The following XPO6 variants were observed in gnomAD, a reference collection of about 807,000 sequenced individuals.
XPO6 encodes exportin-6.
Under a neutral mutation model 130.0 loss-of-function variants are expected in XPO6, and 3 were observed. The observed-to-expected ratio is 0.02, with a 90% CI of 0.01 to 0.06. The LOEUF is 0.06. Ranked by LOEUF, XPO6 falls within the 10% of genes least tolerant of loss-of-function variation. XPO6 has a pLI of 1.00. For missense variants in XPO6, 970 were observed against 1,393.0 expected (o/e 0.70, Z 4.83); for synonymous variants, 524 against 548.9 (o/e 0.95, Z 0.63).
chr16:28,126,038 G>T lies in XPO6; in HGVS notation c.1607-190C>A, dbSNP rs551098588. On this transcript the variant is annotated intron_variant, in intron 12 of 23. Transcript: ENST00000304658. ...GCCCGGTATCCACCTAACACTACAC[G>T]TTTGTGCTCCAGAGTCCAGGGACAG... Among the ~76,000 whole-genome samples, 54 of 152,318 alleles carry T rather than the reference G, an allele frequency of 3.5e-4. 1 individual carries two copies. In the South Asian group the frequency reaches 0.011, roughly 30 times the overall value.
At chr16:28,196,144 G>GT in intron 1 of XPO6, among the ~76,000 whole-genome samples, 1 of 152,162 alleles carries the variant, frequency 6.6e-6, no homozygotes, top group East Asian at 1.9e-4. Context: ...TCCACTGGCA[G>GT]TAACTATTGG....
intron 14 of XPO6, among the ~76,000 whole-genome samples, chr16:28,118,879 T>G (rs966610124): frequency 6.6e-6 from 1 of 152,160 alleles, no homozygotes; most frequent in Admixed American, 6.5e-5. Flanking sequence ...GACTTGAGCT[T>G]TTTTCTCCAA....
chr16:28,145,756 C>T (rs1043426497), intron 9 of XPO6, among the ~76,000 whole-genome samples: 2 of 152,146 alleles, frequency 1.3e-5, no homozygotes, highest in African/African-American at 2.4e-5. Context: ...CCTTCTACCC[C>T]CACTGGGTTA....
intron 1 of XPO6, among the ~76,000 whole-genome samples, chr16:28,187,566 T>A (rs990522154): frequency 2.6e-5 from 4 of 151,554 alleles, no homozygotes; most frequent in African/African-American, 4.9e-5. Context: ...AAATAAAATG[T>A]AAAATACATA....
intron 1 of XPO6, among the ~76,000 whole-genome samples, chr16:28,206,951 T>C (rs8049191): frequency 0.017 from 2,567 of 152,160 alleles, 71 homozygotes; most frequent in African/African-American, 0.055. Context: ...CGGTAACTGA[T>C]ATTAAAAAAA....
intron 1 of XPO6, among the ~76,000 whole-genome samples, chr16:28,189,001 G>A (rs1009288113): frequency 7.9e-5 from 12 of 152,032 alleles, no homozygotes; most frequent in Middle Eastern, 3.4e-3. Flanking sequence ...TTGCTCTGTC[G>A]CCCAGGCTGG....
At chr16:28,133,796 A>G (rs372404243) in intron 11 of XPO6, 45 bp downstream of exon 11, 1 of 1,590,384 alleles carries the variant, frequency 6.3e-7, no homozygotes, top group African/African-American at 1.3e-5. Context: ...TGCTCTGTGT[A>G]CAGAGAAATC....
At chr16:28,186,499 T>C (rs937981161) in intron 1 of XPO6, among the ~76,000 whole-genome samples, 4 of 150,778 alleles carry the variant, frequency 2.7e-5, no homozygotes, top group African/African-American at 4.9e-5. Flanking sequence ...CAGCTTCAAA[T>C]AGCTGAGACT....
chr16:28,145,303 A>G (rs1369370047), intron 9 of XPO6, among the ~76,000 whole-genome samples: 5 of 152,178 alleles, frequency 3.3e-5, no homozygotes, highest in African/African-American at 1.2e-4. Context: ...TACTTTCCCC[A>G]TATATGGATG....
In XPO6 at chr16:28,132,418, A is replaced by G; in HGVS notation, c.1537-15T>C. 12 of 1,560,486 alleles carry G rather than the reference A, an allele frequency of 7.7e-6. No individual in the cohort carries two copies. Among genetic ancestry groups the G allele is most frequent in the Non-Finnish European group, 1.0e-5 (12 of 1,148,300 alleles). ...AGAACAGGGAACTGAAAACAAAGAA[A>G]CAAAAACAACAAAAATTTTAAGCCA... On this transcript the variant is annotated splice_polypyrimidine_tract_variant and intron_variant, in intron 11 of 23. Transcript: ENST00000304658. The surrounding 1 kb of genome is among the most constrained non-coding windows in gnomAD (Gnocchi z 4.0).
At chr16:28,177,683 G>A (rs918867610) in intron 2 of XPO6, among the ~76,000 whole-genome samples, 2 of 152,096 alleles carry the variant, frequency 1.3e-5, no homozygotes, top group African/African-American at 4.8e-5. Flanking sequence ...AACTTACTTC[G>A]TCTGAATATG....
chr16:28,181,670 C>T (rs2043618597), intron 1 of XPO6, among the ~76,000 whole-genome samples: 1 of 152,140 alleles, frequency 6.6e-6, no homozygotes, highest in Admixed American at 6.6e-5. Context: ...GAGTCATTCA[C>T]TGCAACTGGC....
At position 28,121,695 on chromosome 16, in the gene XPO6, C is replaced by A. The variant is rs1300858886; in HGVS notation, c.1834G>T (p.Val612Leu). 6.2e-7 allele frequency: 1 copy of A among 1,613,748 alleles called. No homozygotes were observed. The highest frequency in any genetic ancestry group is 8.5e-7 in the Non-Finnish European group (1 of 1,179,772). Residue 612 changes from valine to leucine, a missense_variant, in exon 14 of 24, where the codon GTA becomes TTA. By Grantham distance (32) the Val-to-Leu change is conservative. Around this residue, in one of 4 missense-constraint regions of XPO6, gnomAD observed 936 missense variants for 1,306.8 expected, o/e 0.72. Coordinates refer to ENST00000304658, the MANE Select transcript of XPO6 (RefSeq NM_015171.4). ...LYNIETAVPS[V>L]LKPDLIDVHA... is the part of the protein sequence containing the mutation. ...ACATCAATGAGGTCAGGTTTCAATA[C>A]TGATGGCACAGCAGTTTCAATGTTG... is the stretch of plus-strand genomic sequence containing the variant.
intron 3 of XPO6, among the ~76,000 whole-genome samples, chr16:28,176,536 C>T (rs1377212934): frequency 2.7e-5 from 4 of 150,246 alleles, no homozygotes; most frequent in Non-Finnish European, 4.4e-5. Context: ...CTCGCTCTGT[C>T]GCCCAGGCTG....
intron 12 of XPO6, among the ~76,000 whole-genome samples, chr16:28,126,409 A>C (rs1211548074): frequency 6.6e-6 from 1 of 152,198 alleles, no homozygotes; most frequent in Non-Finnish European, 1.5e-5. Flanking sequence ...AGTATGAAAT[A>C]AAGAGTATGG....
Position 28,132,438 on chromosome 16 carries a change from A to C in XPO6, c.1537-35T>G. 3 of 1,491,624 alleles carry C rather than the reference A, an allele frequency of 2.0e-6. No homozygotes were observed. Among genetic ancestry groups the C allele is most frequent in the Non-Finnish European group, 2.8e-6 (3 of 1,086,684 alleles). The allele number at this position is 1,491,624 out of a possible 1,614,324, so 92.4% of individuals were successfully genotyped here. On this transcript the variant is annotated intron_variant, in intron 11 of 23. Coordinates refer to ENST00000304658, the MANE Select transcript of XPO6 (RefSeq NM_015171.4). This position sits in a 1 kb window ranked among gnomAD's most constrained non-coding sequence, Gnocchi z 4.0. ...AAGAAACAAAAACAACAAAAATTTT[A>C]AGCCATAAATGCAAGTTTTAATAGC...
At chr16:28,208,429 T>C (rs2044068722) in intron 1 of XPO6, among the ~76,000 whole-genome samples, 1 of 152,100 alleles carries the variant, frequency 6.6e-6, no homozygotes, top group Non-Finnish European at 1.5e-5. Context: ...GGCAACAGTT[T>C]CCTTACCTTT....
intron 20 of XPO6, 49 bp from the exon 21 acceptor site, chr16:28,104,756 G>A (rs1310524662): frequency 1.6e-5 from 26 of 1,603,330 alleles, no homozygotes; most frequent in South Asian, 4.4e-5. Flanking sequence ...GAGCTGCTCC[G>A]GCCTGGGCCC....
chr16:28,106,052 G>A lies in XPO6; in HGVS notation c.2775C>T (p.Ile925=), dbSNP rs756221865. Residue 925 remains isoleucine (I), a synonymous_variant, in exon 20 of 24, where the codon ATC becomes ATT. Transcript: ENST00000304658. The surrounding 1 kb of genome is among the most constrained non-coding windows in gnomAD (Gnocchi z 4.2). ...CCGTCTGAGCCCCTACCTCGGCAAT[G>A]ATGGGATACACTTGCTCCATGCACA... ...IALCMEQVYP[I]IAERPSPDVK... 7 of 1,613,734 alleles carry A rather than the reference G, an allele frequency of 4.3e-6. No individual in the cohort carries two copies. The highest frequency in any genetic ancestry group is 5.9e-6 in the Non-Finnish European group (7 of 1,179,644).
Sources: gnomAD v4.1 joint callset for allele counts (sites outside exome capture counted in the v4.1 genomes callset) on GRCh38, gnomAD v4.1.1 for gene constraint, gnomAD v4.1.1 regional missense constraint, Gnocchi (gnomAD v3.1) non-coding constraint, MANE v1.5 for transcripts, NCBI Gene and HGNC (gene_info 2026-07-23, HGNC 2026-07-21) for gene names.